Variants in MIB2 observed in about 807,000 individuals in gnomAD.
MIB2 encodes E3 ubiquitin-protein ligase MIB2.
A neutral mutation model predicts 96.6 loss-of-function variants in MIB2; 78 were observed. That is an observed-to-expected ratio of 0.81 (90% confidence interval 0.67 to 0.97). The LOEUF (loss-of-function observed/expected upper bound fraction) is 0.97, where lower values mean the gene tolerates loss of function less well. Among genes scored for constraint, MIB2 ranks in the 50% least tolerant of loss-of-function variants. The pLI is 0.00. For missense variants in MIB2, 1,543 were observed against 1,424.0 expected (o/e 1.08, Z -1.35); for synonymous variants, 820 against 629.5 (o/e 1.30, Z -4.53).
At chr1:1,615,478 C>CGG (rs1643506684), upstream of MIB2, 11 of 1,521,548 alleles carry the variant, frequency 7.2e-6, no homozygotes, top group African/African-American at 1.4e-5. Context: ...GGCGCTCCGG[C>CGG]GGGGGCGGGC....
chr1:1,616,263 G>A (rs922443864), intron 1 of MIB2: 8 of 401,056 alleles, frequency 2.0e-5, no homozygotes, highest in Non-Finnish European at 2.5e-5. Context: ...TGCGCGTCCC[G>A]GAGCCTCCTG....
Position 1,624,819 on chromosome 1 carries a change from C to T in MIB2, c.444C>T (p.Gly148=). 1 of 1,613,040 alleles carries T rather than the reference C, an allele frequency of 6.2e-7. No individual in the cohort carries two copies. The highest frequency in any genetic ancestry group is 8.5e-7 in the Non-Finnish European group (1 of 1,179,974). The change falls in exon 5 of 20, where the codon GGC becomes GGT. Residue 148 remains glycine (G), a synonymous_variant. Transcript: ENST00000355826. ...GTGTCACACTGAGTCCCCGCCAGGG[C>T]CTCCCGAGGATCCCACTAAGGGGCA... ...SRPVTLSPRQ[G]LPRIPLRGIF...
intron 2 of MIB2, among the ~76,000 whole-genome samples, chr1:1,619,776 A>T (rs545186162): frequency 6.6e-6 from 1 of 152,136 alleles, no homozygotes; most frequent in Non-Finnish European, 1.5e-5. Context: ...CAGGCACAAG[A>T]AGTGAGGCCA....
upstream of MIB2, chr1:1,615,286 C>G (rs1643481793): frequency 3.0e-6 from 4 of 1,324,270 alleles, no homozygotes; most frequent in African/African-American, 4.7e-5. Flanking sequence ...ACGTCGCTCC[C>G]AAGCCCCCGT....
chr1:1,617,550 C>T (rs1643871250), intron 2 of MIB2: 1 of 152,218 alleles, frequency 6.6e-6, no homozygotes, highest in Admixed American at 6.5e-5. Context: ...CCTTTAGAAA[C>T]CATTTTCTCC....
chr1:1,628,022 G>A lies in MIB2; in HGVS notation c.1684G>A (p.Ala562Thr), dbSNP rs1361914208. 7.4e-6 allele frequency: 12 copies of A among 1,612,432 alleles called. No individual in the cohort carries two copies. Among genetic ancestry groups the A allele is most frequent in the Middle Eastern group, 3.3e-4 (2 of 6,058 alleles). Residue 562 changes from alanine (A) to threonine (T), a missense_variant, in exon 14 of 20, where the codon GCC becomes ACC. Physicochemically the swap from Ala to Thr is moderately conservative, Grantham distance 58. Coordinates refer to ENST00000355826, the MANE Select transcript of MIB2 (RefSeq NM_001170687.4). ...ACCACTGACTCCGCCCCAGCAGGAC[G>A]CCCACTCGGACACGCCCCTGCACTC... ...ERGCDVNLPD[A>T]HSDTPLHSAI...
chr1:1,626,778 CGCTAGCGCCGCT>C lies in MIB2; in HGVS notation c.1077+27_1077+38del, dbSNP rs1387640162. ...CTGTGAGTCCCCCTGCCACCCCCGC[CGCTAGCGCCGCT>C]GCCCCCCACACCTGCAGCCTGCTGT... is the stretch of plus-strand genomic sequence containing the variant. On this transcript the variant is annotated intron_variant, in intron 9 of 19. Transcript: ENST00000355826. This position sits in a 1 kb window ranked among gnomAD's most constrained non-coding sequence, Gnocchi z 5.3. 3.2e-6 allele frequency: 5 copies of C among 1,575,198 alleles called. No individual in the cohort carries two copies. Among genetic ancestry groups the C allele is most frequent in the Non-Finnish European group, 4.3e-6 (5 of 1,163,768 alleles).
intron 13 of MIB2, 77 bp downstream of exon 13, chr1:1,627,906 G>A (rs1644962960): frequency 6.3e-7 from 1 of 1,597,626 alleles, no homozygotes; most frequent in African/African-American, 1.3e-5. Flanking sequence ...CTGCCCATGT[G>A]TGCTGCTCCC....
At position 1,626,677 on chromosome 1, in the gene MIB2, G is replaced by A; in HGVS notation, c.1000G>A (p.Val334Ile). The change falls in exon 9 of 20, where the codon GTC (valine) becomes ATC (isoleucine). Residue 334 changes from valine to isoleucine, a missense_variant. Physicochemically the swap from Val to Ile is conservative, Grantham distance 29. Transcript: ENST00000355826. The surrounding 1 kb of genome is among the most constrained non-coding windows in gnomAD (Gnocchi z 5.3). ...KHHSFWVGDVVRVIGDLDTVK... is the reference protein window; with the variant it reads ...KHHSFWVGDVIRVIGDLDTVK... ...CCACTCCTTCTGGGTGGGCGACGTG[G>A]TCCGGGTCATCGGCGACCTTGACAC... 1 of 1,579,070 alleles carries A rather than the reference G, an allele frequency of 6.3e-7. No homozygotes were observed. Among genetic ancestry groups the A allele is most frequent in the East Asian group, 2.3e-5 (1 of 44,034 alleles).
chr1:1,624,782 AACCCTC>A lies in MIB2; in HGVS notation c.420-12_420-7del. On this transcript the variant is annotated splice_polypyrimidine_tract_variant and splice_region_variant and intron_variant, in intron 4 of 19. Coordinates refer to ENST00000355826, the MANE Select transcript of MIB2 (RefSeq NM_001170687.4). ...TTTTCTTCTGAGAGCTTTATTTGTG[AACCCTC>A]TTGCAGTGTCACACTGAGTCCCCGC... 6.2e-7 allele frequency: 1 copy of A among 1,610,114 alleles called. No homozygotes were observed. Among genetic ancestry groups the A allele is most frequent in the Non-Finnish European group, 8.5e-7 (1 of 1,178,232 alleles).
chr1:1,623,709 A>C lies in MIB2; in HGVS notation c.247+10A>C. On this transcript the variant is annotated intron_variant, in intron 3 of 19. Transcript: ENST00000355826. ...GACAACGCCCAGATCGGTGCGCGCC[A>C]AGGGCAGGCGGGACGGGCAGGACCC... 3.3e-6 allele frequency: 5 copies of C among 1,531,932 alleles called. No homozygotes were observed. The highest frequency in any genetic ancestry group is 4.4e-6 in the Non-Finnish European group (5 of 1,138,236). The allele number at this position is 1,531,932 out of a possible 1,614,324, so 94.9% of individuals were successfully genotyped here.
chr1:1,623,805 C>T lies in MIB2; in HGVS notation c.279C>T (p.Cys93=), dbSNP rs1393395708. 1 of 1,608,874 alleles carries T rather than the reference C, an allele frequency of 6.2e-7. No homozygotes were observed. Among genetic ancestry groups the T allele is most frequent in the African/African-American group, 1.3e-5 (1 of 74,816 alleles). Residue 93 remains cysteine (C), a synonymous_variant, in exon 4 of 20, where the codon TGC becomes TGT. Coordinates refer to ENST00000355826, the MANE Select transcript of MIB2 (RefSeq NM_001170687.4). ...GGCACCCCAACATCATCTGTGACTG[C>T]TGCAAGAAGCACGGGCTGCGGGGGA... ...GVRHPNIICD[C]CKKHGLRGMR...
At position 1,629,674 on chromosome 1, in the gene MIB2, C is replaced by T. The variant is rs1638343175; in HGVS notation, c.2599C>T (p.Gln867Ter). Residue 867 changes from glutamine to a stop codon, truncating the protein, a stop_gained, in exon 19 of 20, where the codon CAG (glutamine) becomes TAG (stop). Transcript: ENST00000355826. LOFTEE classifies it high-confidence loss of function. ...CAGGATGAAGAAGTGCATCAGGTGC[C>T]AGGTGGTCGTCAGCAAGAAACTGCG... ...ARRMKKCIRCQVVVSKKLRPD... is the reference protein window; with the variant it reads ...ARRMKKCIRC 1.2e-6 allele frequency: 2 copies of T among 1,600,166 alleles called. No homozygotes were observed. Among genetic ancestry groups the T allele is most frequent in the Non-Finnish European group, 1.7e-6 (2 of 1,173,312 alleles).
intron 2 of MIB2, chr1:1,617,836 A>G (rs1643892610): frequency 6.6e-6 from 1 of 152,268 alleles, no homozygotes; most frequent in South Asian, 2.1e-4. Flanking sequence ...GATGCCAGCC[A>G]GGGGCACAGC....
rs771312259 is a variant in MIB2, at chr1:1,627,103, C to A, written c.1270C>A (p.Arg424=). ...ACTGAGCGTGGCCCTGGACAAGCTTCGGGCCCAGAAGAGTGACCCAGAGCA... is the reference window on the plus strand; with the variant it reads ...ACTGAGCGTGGCCCTGGACAAGCTTAGGGCCCAGAAGAGTGACCCAGAGCA... ...SSLSVALDKL[R]AQKSDPEHPG... is the part of the protein sequence containing the mutation. Residue 424 remains arginine (R), a synonymous_variant, in exon 11 of 20, where the codon CGG becomes AGG. Transcript: ENST00000355826. 6.2e-7 allele frequency: 1 copy of A among 1,600,576 alleles called. No homozygotes were observed. Among genetic ancestry groups the A allele is most frequent in the Admixed American group, 1.7e-5 (1 of 57,912 alleles).
At chr1:1,624,172 C>T (rs565051253) in intron 4 of MIB2, 14 of 578,792 alleles carry the variant, frequency 2.4e-5, no homozygotes, top group South Asian at 6.9e-5. Flanking sequence ...TCCCCCAGGG[C>T]GGCATGAGAC....
rs533428391 is a variant in MIB2, at chr1:1,625,939, C to T, written c.972+286C>T. The T allele has an allele frequency of 1.3e-4, 62 of 486,362 alleles. No homozygotes were observed. Among genetic ancestry groups the T allele is most frequent in the African/African-American group, 6.9e-4 (35 of 50,568 alleles). 30.1% of individuals were successfully genotyped at this position (486,362 alleles called of 1,614,324 possible). On this transcript the variant is annotated intron_variant, in intron 8 of 19. Coordinates refer to ENST00000355826, the MANE Select transcript of MIB2 (RefSeq NM_001170687.4). The surrounding 1 kb of genome is among the most constrained non-coding windows in gnomAD (Gnocchi z 5.0). ...CAGGAAGGCAGGACAGCTTCGTGGG[C>T]GGGAGGGAGGCGGCTGGGCTAAGAT...
At chr1:1,614,342 T>TAGATAAG, upstream of MIB2, 1 of 152,392 alleles carries the variant, frequency 6.6e-6, no homozygotes, top group African/African-American at 2.4e-5. Flanking sequence ...GGGAAATTCC[T>TAGATAAG]CAGGACTGCA....
intron 2 of MIB2, among the ~76,000 whole-genome samples, chr1:1,621,089 T>G (rs757471834): frequency 6.6e-6 from 1 of 152,234 alleles, no homozygotes; most frequent in East Asian, 1.9e-4. Context: ...CTGGTTCTTA[T>G]GTTTCATTCA....
Sources: gnomAD v4.1 joint callset for allele counts (sites outside exome capture counted in the v4.1 genomes callset) on GRCh38, gnomAD v4.1.1 for gene constraint, Gnocchi (gnomAD v3.1) non-coding constraint, MANE v1.5 for transcripts, NCBI Gene and HGNC (gene_info 2026-07-23, HGNC 2026-07-21) for gene names.